The following ABCC8 variants were observed in gnomAD, a reference collection of about 807,000 sequenced individuals.
ABCC8 encodes ATP-binding cassette sub-family C member 8.
In ABCC8, 137 loss-of-function variants were observed where a neutral mutation model predicts 188.0. That is an observed-to-expected ratio of 0.73 (90% CI 0.63 to 0.84). The LOEUF is 0.84. Among genes scored for constraint, ABCC8 ranks in the 40% least tolerant of loss-of-function variants. The pLI, the probability that ABCC8 is intolerant of heterozygous loss-of-function variation, is 0.00. For missense variants in ABCC8, 1,750 were observed against 2,072.7 expected (o/e 0.84, Z 3.02); for synonymous variants, 797 against 846.5 (o/e 0.94, Z 1.01).
At position 17,448,489 on chromosome 11, in the gene ABCC8, C is replaced by G. The variant is rs377746089; in HGVS notation, c.1332+27G>C. 95 of 1,606,444 alleles carry G rather than the reference C, an allele frequency of 5.9e-5. No individual in the cohort carries two copies. In the African/African-American group the frequency reaches 1.2e-3, roughly 20 times the overall value. On this transcript the variant is annotated intron_variant, in intron 8 of 38. Coordinates refer to ENST00000389817, the MANE Select transcript of ABCC8 (RefSeq NM_000352.6). ...TCTGGTTGTGTGTCCTGCTGCCCCC[C>G]TCCCTTCCCCTCAGCCCATCTAGTA... is the stretch of plus-strand genomic sequence containing the variant.
At chr11:17,461,969 G>A in intron 4 of ABCC8, 144 bp from the exon 5 acceptor site, 1 of 1,410,676 alleles carries the variant, frequency 7.1e-7, no homozygotes, top group Non-Finnish European at 9.4e-7. Flanking sequence ...TTATTACCAG[G>A]AAAAGGATTC....
At chr11:17,467,902 T>G (rs1014161396) in intron 3 of ABCC8, among the ~76,000 whole-genome samples, 1 of 152,178 alleles carries the variant, frequency 6.6e-6, no homozygotes, top group Admixed American at 6.5e-5. Flanking sequence ...CATCCACGGG[T>G]GATAACTTGT....
At position 17,395,159 on chromosome 11, in the gene ABCC8, C is replaced by T. The variant is rs1296541148; in HGVS notation, c.4411+13G>A. The T allele has an allele frequency of 6.4e-7, 1 of 1,562,010 alleles. No homozygotes were observed. Among genetic ancestry groups the T allele is most frequent in the Non-Finnish European group, 8.7e-7 (1 of 1,151,636 alleles). ...TGCCCAACCAACCCAGCTGCATAGC[C>T]AGGAGTAGTTACCGAGGCCTCCTGG... On this transcript the variant is annotated intron_variant, in intron 36 of 38. Transcript: ENST00000389817.
intron 23 of ABCC8, among the ~76,000 whole-genome samples, chr11:17,407,883 C>T (rs1327594641): frequency 6.6e-6 from 1 of 152,110 alleles, no homozygotes; most frequent in Non-Finnish European, 1.5e-5. Context: ...AGTTGTTGAG[C>T]TGGGAGAATG....
intron 21 of ABCC8, among the ~76,000 whole-genome samples, chr11:17,411,169 C>T (rs947927844): frequency 1.3e-5 from 2 of 152,236 alleles, no homozygotes; most frequent in Non-Finnish European, 2.9e-5. Context: ...CTGACCCCCA[C>T]GCCTACCCTT....
In ABCC8 at chr11:17,406,699, AGTGACAGAC is replaced by A. The variant is rs1271445653; in HGVS notation, c.3243_3251del (p.Ser1082_Thr1084del). ...CCACCTTCAGCCCTGTCCACTCCAC[AGTGACAGAC>A]GTGACGAGGCACAGCACAATGCCCA... On this transcript the variant is annotated inframe_deletion, in exon 26 of 39. Transcript: ENST00000389817. The A allele has an allele frequency of 6.2e-7, 1 of 1,614,188 alleles. No individual in the cohort carries two copies. Among genetic ancestry groups the A allele is most frequent in the Admixed American group, 1.7e-5 (1 of 60,028 alleles).
chr11:17,395,967 TG>T, intron 33 of ABCC8, 37 bp from the exon 34 acceptor site: 1 of 1,554,096 alleles, frequency 6.4e-7, no homozygotes, highest in African/African-American at 1.4e-5. Context: ...ACTGGGACTC[TG>T]GGGCTGCTGG....
At chr11:17,428,183 G>T in intron 14 of ABCC8, 106 bp downstream of exon 14, 1 of 1,567,438 alleles carries the variant, frequency 6.4e-7, no homozygotes, top group East Asian at 2.2e-5. Flanking sequence ...AGGCAGGCAG[G>T]GTGACCTCTG....
At chr11:17,440,248 C>T (rs376489429) in intron 10 of ABCC8, among the ~76,000 whole-genome samples, 7 of 152,126 alleles carry the variant, frequency 4.6e-5, no homozygotes, top group East Asian at 1.9e-4. Context: ...GGAAGTCCCC[C>T]GGCTATCGGG....
Position 17,463,552 on chromosome 11 carries a change from G to C in ABCC8, c.465C>G (p.Val155=). Residue 155 remains valine (V), a synonymous_variant, in exon 4 of 39, where the codon GTC becomes GTG. Coordinates refer to ENST00000389817, the MANE Select transcript of ABCC8 (RefSeq NM_000352.6). ...AGCCGATGGCGTGGTCCAAGAACTT[G>C]ACAAACTTGATGGTCTTGGTGATGA... ...LAFITKTIKF[V]KFLDHAIGFS... The C allele has an allele frequency of 6.3e-7, 1 of 1,594,650 alleles. No individual in the cohort carries two copies. The highest frequency in any genetic ancestry group is 8.5e-7 in the Non-Finnish European group (1 of 1,170,482).
At chr11:17,443,099 G>A (rs1956385871) in intron 9 of ABCC8, 79 bp downstream of exon 9, 1 of 1,547,564 alleles carries the variant, frequency 6.5e-7, no homozygotes, top group African/African-American at 1.4e-5. Context: ...ATGACAGTGT[G>A]GGTGTGTGGG....
Position 17,461,745 on chromosome 11 carries a change from G to A in ABCC8, c.660C>T (p.Pro220=), listed in dbSNP as rs773643362. ...LQDLGVRFLQ[P]FVNLLSKGTY... ...TGCCTTTGGACAGCAGATTCACGAA[G>A]GGCTGCAGGAAGCGTACCCCCAGGT... is the stretch of plus-strand genomic sequence containing the variant. The change falls in exon 5 of 39, where the codon CCC becomes CCT. Residue 220 remains proline (P), a synonymous_variant. Coordinates refer to ENST00000389817, the MANE Select transcript of ABCC8 (RefSeq NM_000352.6). 3.1e-6 allele frequency: 5 copies of A among 1,614,056 alleles called. 1 individual carries two copies. The highest frequency in any genetic ancestry group is 1.6e-4 in the Middle Eastern group (1 of 6,084).
chr11:17,405,060 C>T (rs992247776), intron 27 of ABCC8, among the ~76,000 whole-genome samples: 4 of 152,184 alleles, frequency 2.6e-5, no homozygotes, highest in East Asian at 1.9e-4. Context: ...CCACTGAGCC[C>T]GGCCTTGCTC....
chr11:17,463,249 C>T (rs950288790), intron 4 of ABCC8, among the ~76,000 whole-genome samples, 189 bp downstream of exon 4: 12 of 152,198 alleles, frequency 7.9e-5, no homozygotes, highest in Admixed American at 3.3e-4. Flanking sequence ...GGGTAGAGCA[C>T]ACGTGGGCCA....
At chr11:17,450,410 T>TTTTC (rs1956761980) in intron 7 of ABCC8, among the ~76,000 whole-genome samples, 1 of 146,582 alleles carries the variant, frequency 6.8e-6, no homozygotes, top group Non-Finnish European at 1.5e-5. Context: ...TTCCTTTTTT[T>TTTTC]TTTTTTCAGA....
intron 8 of ABCC8, among the ~76,000 whole-genome samples, chr11:17,444,822 C>T (rs1322851290): frequency 6.6e-6 from 1 of 152,202 alleles, no homozygotes; most frequent in Non-Finnish European, 1.5e-5. Context: ...TACTTAACCT[C>T]TCTGGTTTTC....
intron 3 of ABCC8, among the ~76,000 whole-genome samples, chr11:17,467,512 T>C (rs1346194442): frequency 6.6e-6 from 1 of 152,198 alleles, no homozygotes; most frequent in Non-Finnish European, 1.5e-5. Flanking sequence ...TTGCACATGC[T>C]GTTTCCTCTG....
In ABCC8 at chr11:17,470,324, G is replaced by T. The variant is rs543644562; in HGVS notation, c.291-102C>A. ...AAAGGCTGAACACTGAACCTTTATA[G>T]CATCACTTTATAGGCTGCAGGGCCC... On this transcript the variant is annotated intron_variant, in intron 2 of 38. Coordinates refer to ENST00000389817, the MANE Select transcript of ABCC8 (RefSeq NM_000352.6). 1.1e-5 allele frequency: 18 copies of T among 1,581,016 alleles called. 1 individual carries two copies. The Admixed American group carries it at 3.0e-4, about 27-fold the overall frequency.
At chr11:17,465,851 T>G (rs533312548) in intron 3 of ABCC8, among the ~76,000 whole-genome samples, 11 of 152,258 alleles carry the variant, frequency 7.2e-5, no homozygotes, top group African/African-American at 2.6e-4. Context: ...CTCCCCATCT[T>G]GTTCTCCTCC....
Sources: allele counts gnomAD v4.1 joint callset (sites outside exome capture counted in the v4.1 genomes callset), GRCh38; gene constraint gnomAD v4.1.1; transcripts MANE v1.5; gene names NCBI Gene and HGNC (gene_info 2026-07-23, HGNC 2026-07-21).